H2BC4: variants seen among roughly 807,000 people sequenced by gnomAD.
The protein encoded by H2BC4 is H2B clustered histone 4.
Under a neutral mutation model 6.2 loss-of-function variants are expected in H2BC4, and 10 were observed. The ratio of observed to expected loss-of-function variants is 1.61; its 90% CI spans 0.99 to 2.73. The LOEUF is 2.73. Among genes scored for constraint, H2BC4 ranks in the 30% most tolerant of loss-of-function variants. The probability of loss-of-function intolerance (pLI) is 0.00; values close to 1 mark genes in which losing one functional copy is unlikely to be tolerated. For missense variants in H2BC4, 176 were observed against 168.7 expected (o/e 1.04, Z -0.24); for synonymous variants, 146 against 70.7 (o/e 2.07, Z -5.35).
At chr6:26,117,870 C>G (rs777214354) in intron 1 of H2BC4, among the ~76,000 whole-genome samples, 4 of 152,174 alleles carry the variant, frequency 2.6e-5, no homozygotes, top group African/African-American at 4.8e-5. Flanking sequence ...TATGGATACT[C>G]TCTTCTTGTA....
chr6:26,116,067 T>C (rs1484307021), intron 1 of H2BC4, among the ~76,000 whole-genome samples: 2 of 152,198 alleles, frequency 1.3e-5, no homozygotes. Context: ...CATATTTCTC[T>C]TGAATCCAAT....
In H2BC4 at chr6:26,123,647, C is replaced by G; in HGVS notation, c.258G>C (p.Lys86Asn). The G allele has an allele frequency of 1.2e-6, 2 of 1,614,266 alleles. No individual in the cohort carries two copies. The highest frequency in any genetic ancestry group is 1.7e-6 in the Non-Finnish European group (2 of 1,180,056). Residue 86 changes from lysine (K) to asparagine (N), a missense_variant, in exon 1 of 1, where the codon AAG becomes AAC. Physicochemically the swap from Lys to Asn is moderately conservative, Grantham distance 94. Transcript: ENST00000396984. ...GEASRLAHYN[K>N]RSTITSREIQ... ...TCTCCCTGGAGGTGATGGTCGAGCG[C>G]TTGTTGTAATGCGCCAGGCGGGAAG... is the stretch of plus-strand genomic sequence containing the variant.
At chr6:26,115,034 T>C (rs1360790611) in exon 2 of H2BC4, 2 of 152,200 alleles carry the variant, frequency 1.3e-5, no homozygotes, top group Non-Finnish European at 2.9e-5. Context: ...CCATTTATCT[T>C]CTTCTAGGAT....
chr6:26,123,397 C>A, downstream of H2BC4: 1 of 1,471,564 alleles, frequency 6.8e-7, no homozygotes, highest in Non-Finnish European at 9.1e-7. Context: ...CTCTCCAGTT[C>A]CTATATTCTA....
intron 1 of H2BC4, among the ~76,000 whole-genome samples, chr6:26,116,767 C>G (rs1763427260): frequency 6.6e-6 from 1 of 152,102 alleles, no homozygotes; most frequent in Non-Finnish European, 1.5e-5. Context: ...CAGATTTACT[C>G]TCTTTTTCTT....
At chr6:26,117,935 A>T (rs960709593) in intron 1 of H2BC4, among the ~76,000 whole-genome samples, 1 of 150,500 alleles carries the variant, frequency 6.6e-6, no homozygotes, top group Admixed American at 6.6e-5. Context: ...ACAATTAGTG[A>T]TTCTCTAGAA....
At chr6:26,118,644 A>C (rs1240859953), downstream of H2BC4, among the ~76,000 whole-genome samples, 7 of 152,224 alleles carry the variant, frequency 4.6e-5, no homozygotes, top group Admixed American at 4.6e-4. Context: ...AAGAAGGAAG[A>C]AGCTGTCTAT....
chr6:26,119,796 A>T (rs957879586), downstream of H2BC4, among the ~76,000 whole-genome samples: 10 of 106,098 alleles, frequency 9.4e-5, no homozygotes, highest in African/African-American at 2.9e-4. Context: ...GAAATTATTA[A>T]GCCAATTTGT....
downstream of H2BC4, chr6:26,123,393 A>C (rs570471579): frequency 1.2e-5 from 18 of 1,444,058 alleles, no homozygotes; most frequent in African/African-American, 2.4e-4. Context: ...ACCCCTCTCC[A>C]GTTCCTATAT....
At chr6:26,116,853 G>A (rs1215198173) in intron 1 of H2BC4, among the ~76,000 whole-genome samples, 7 of 152,118 alleles carry the variant, frequency 4.6e-5, no homozygotes, top group Non-Finnish European at 8.8e-5. Flanking sequence ...TCAGAGCCTA[G>A]AATACCTTTC....
At chr6:26,120,271 C>T (rs1475979359), downstream of H2BC4, among the ~76,000 whole-genome samples, 5 of 151,968 alleles carry the variant, frequency 3.3e-5, no homozygotes, top group South Asian at 2.1e-4. Context: ...GCCAACATGG[C>T]GAAACCCCAT....
downstream of H2BC4, among the ~76,000 whole-genome samples, chr6:26,123,014 G>A (rs936003720): frequency 6.6e-6 from 1 of 152,158 alleles, no homozygotes; most frequent in Non-Finnish European, 1.5e-5. Context: ...AACAGAGGGG[G>A]AGTCCTTCCT....
At chr6:26,123,193 G>A (rs1266854005), downstream of H2BC4, among the ~76,000 whole-genome samples, 1 of 152,230 alleles carries the variant, frequency 6.6e-6, no homozygotes, top group African/African-American at 2.4e-5. Context: ...GACGTAGACA[G>A]GGACAGACAG....
rs539225416 is a variant in H2BC4, at chr6:26,117,069, C to A, written c.*10-1934G>T. 5.5e-4 allele frequency among the ~76,000 whole-genome samples: 84 copies of A among 152,172 alleles called. 1 individual carries two copies. The highest frequency in any genetic ancestry group is 1.0e-3 in the South Asian group (5 of 4,820). On this transcript the variant is annotated intron_variant, in intron 1 of 1. Transcript: ENST00000314332. ...AAATGATAGTTATCATTCTTTAAGT[C>A]CTTAGGAATATGCCTAGAGAGCTAA... is the stretch of plus-strand genomic sequence containing the variant.
chr6:26,122,495 G>T (rs1022751834), downstream of H2BC4, among the ~76,000 whole-genome samples: 5 of 152,156 alleles, frequency 3.3e-5, no homozygotes, highest in East Asian at 7.7e-4. Context: ...AGGGAATGTG[G>T]AATTTCCCAG....
At position 26,123,853 on chromosome 6, in the gene H2BC4, C is replaced by A. The variant is rs777203378; in HGVS notation, c.52G>T (p.Ala18Ser). The A allele has an allele frequency of 6.2e-6, 10 of 1,614,118 alleles. No individual in the cohort carries two copies. The South Asian group carries it at 1.1e-4, about 18-fold the overall frequency. Reference protein sequence around the residue: ...APAPKKGSKKAVTKAQKKDGK... With the variant: ...APAPKKGSKKSVTKAQKKDGK... Reference sequence around the variant, plus strand: ...TCTTTCTTCTGCGCTTTGGTCACTGCCTTCTTGGAGCCCTTCTTCGGGGCG... The same window carrying A: ...TCTTTCTTCTGCGCTTTGGTCACTGACTTCTTGGAGCCCTTCTTCGGGGCG... The change falls in exon 1 of 1, where the codon GCA becomes TCA. Residue 18 changes from alanine to serine, a missense_variant. Transcript: ENST00000396984.
downstream of H2BC4, among the ~76,000 whole-genome samples, chr6:26,113,508 A>C (rs1206823365): frequency 6.6e-6 from 1 of 152,152 alleles, no homozygotes; most frequent in Non-Finnish European, 1.5e-5. Context: ...GGAGTGGAGG[A>C]GTCCTGGCCT....
At chr6:26,119,957 TCA>T (rs1463853292), downstream of H2BC4, among the ~76,000 whole-genome samples, 1 of 152,080 alleles carries the variant, frequency 6.6e-6, no homozygotes, top group Non-Finnish European at 1.5e-5. Flanking sequence ...CTAATGAAAC[TCA>T]CAGTTAAACT....
At chr6:26,116,079 C>A (rs1581687527) in intron 1 of H2BC4, among the ~76,000 whole-genome samples, 1 of 152,108 alleles carries the variant, frequency 6.6e-6, no homozygotes, top group African/African-American at 2.4e-5. Flanking sequence ...GAATCCAATT[C>A]TTTTACCATT....
Sources: allele counts gnomAD v4.1 joint callset (sites outside exome capture counted in the v4.1 genomes callset), GRCh38; gene constraint gnomAD v4.1.1; transcripts MANE v1.5; gene names NCBI Gene and HGNC (gene_info 2026-07-23, HGNC 2026-07-21).